PSD3: variants seen among roughly 807,000 people sequenced by gnomAD.
The protein encoded by PSD3 is pleckstrin and Sec7 domain containing 3, also known as PH and SEC7 domain-containing protein 3.
Under a neutral mutation model 105.5 loss-of-function variants are expected in PSD3, and 49 were observed. The observed-to-expected ratio is 0.46, with a 90% confidence interval of 0.37 to 0.59. PSD3 has a LOEUF of 0.59. Among genes scored for constraint, PSD3 ranks in the 20% least tolerant of loss-of-function variants. PSD3 has a pLI of 0.00. For synonymous variants in PSD3, 557 were observed against 457.8 expected, an observed-to-expected ratio of 1.22 and a Z score of -2.77; for missense variants, 1,561 against 1,263.8, an observed-to-expected ratio of 1.24 and a Z score of -3.57.
chr8:18,781,904 C>G (rs1169154806), intron 8 of PSD3, among the ~76,000 whole-genome samples: 1 of 151,908 alleles, frequency 6.6e-6, no homozygotes, highest in East Asian at 1.9e-4. Flanking sequence ...AAAATGTTAT[C>G]TGCTCAGGTT....
intron 11 of PSD3, among the ~76,000 whole-genome samples, chr8:18,616,148 C>A (rs1046889491): frequency 1.8e-4 from 28 of 152,232 alleles, no homozygotes; most frequent in Non-Finnish European, 2.5e-4. Context: ...CGCGCAGGAG[C>A]CAGAAAACGG....
At chr8:19,080,647 G>T (rs181592782) in intron 1 of PSD3, among the ~76,000 whole-genome samples, 2 of 152,106 alleles carry the variant, frequency 1.3e-5, no homozygotes, top group East Asian at 3.9e-4. Context: ...TCATTTCCTC[G>T]CTGTTTCCTA....
chr8:18,970,742 G>GT (rs1270822405), intron 1 of PSD3, among the ~76,000 whole-genome samples: 1 of 152,058 alleles, frequency 6.6e-6, no homozygotes, highest in African/African-American at 2.4e-5. Flanking sequence ...AACATATGAG[G>GT]TTAGGACTTC....
At chr8:18,605,738 T>C (rs956977814) in intron 11 of PSD3, among the ~76,000 whole-genome samples, 4 of 152,134 alleles carry the variant, frequency 2.6e-5, no homozygotes, top group African/African-American at 9.7e-5. Context: ...TGGATCATGA[T>C]TCATCAATGG....
At chr8:18,782,207 G>A (rs2129445365) in intron 8 of PSD3, among the ~76,000 whole-genome samples, 1 of 151,992 alleles carries the variant, frequency 6.6e-6, no homozygotes, top group Non-Finnish European at 1.5e-5. Context: ...GAATTATTGT[G>A]TTCCTTTGAT....
At chr8:18,724,921 G>A (rs1426029960) in intron 9 of PSD3, among the ~76,000 whole-genome samples, 1 of 152,148 alleles carries the variant, frequency 6.6e-6, no homozygotes, top group Non-Finnish European at 1.5e-5. Context: ...ATGTGGAATG[G>A]GCAGGTGGGC....
chr8:19,041,506 C>T (rs1415843778), intron 1 of PSD3, among the ~76,000 whole-genome samples: 3 of 152,178 alleles, frequency 2.0e-5, no homozygotes, highest in Non-Finnish European at 2.9e-5. Flanking sequence ...AGTGACCATG[C>T]TTCGTTTAAG....
intron 4 of PSD3, among the ~76,000 whole-genome samples, chr8:18,820,263 A>G (rs1812585041): frequency 1.3e-5 from 2 of 151,388 alleles, no homozygotes; most frequent in African/African-American, 4.8e-5. Context: ...AAAATATATG[A>G]AAATATACTT....
intron 2 of PSD3, among the ~76,000 whole-genome samples, chr8:18,922,682 C>T (rs1821102259): frequency 6.6e-6 from 1 of 152,272 alleles, no homozygotes; most frequent in South Asian, 2.1e-4. Context: ...CCATCTAAAG[C>T]CGTAGGTTGT....
At position 18,734,756 on chromosome 8, in the gene PSD3, C is replaced by T. The variant is rs78715569; in HGVS notation, c.2172+30693G>A. Among the ~76,000 whole-genome samples the T allele has an allele frequency of 8.4e-3, 1,277 of 152,238 alleles. 16 individuals are homozygous for T. Among genetic ancestry groups the T allele is most frequent in the Non-Finnish European group, 0.012 (829 of 68,010 alleles). On this transcript the variant is annotated intron_variant, in intron 9 of 15. Coordinates refer to ENST00000327040, the MANE Select transcript of PSD3 (RefSeq NM_015310.4). ...CCTCTCCAGCTTTAAGCCTGTGAACCCGTAACTGTAAATATAAAAGTCAAC... is the reference window on the plus strand; with the variant it reads ...CCTCTCCAGCTTTAAGCCTGTGAACTCGTAACTGTAAATATAAAAGTCAAC...
chr8:19,074,325 G>A (rs1405579093), intron 1 of PSD3, among the ~76,000 whole-genome samples: 1 of 151,994 alleles, frequency 6.6e-6, no homozygotes, highest in Non-Finnish European at 1.5e-5. Context: ...CTGGCACCTG[G>A]GAAGGGAAAT....
intron 1 of PSD3, among the ~76,000 whole-genome samples, chr8:19,048,204 GTAGGACAATGGAAC>G (rs1175909383): frequency 6.6e-6 from 1 of 152,184 alleles, no homozygotes; most frequent in Admixed American, 6.5e-5. Context: ...AGGGAGCCTG[GTAGGACAATGGAAC>G]TAACCTCTTT....
Position 18,862,947 on chromosome 8 carries a change from G to C in PSD3, c.1634+4727C>G, listed in dbSNP as rs187407802. Among the ~76,000 whole-genome samples, 86 of 150,814 alleles carry C rather than the reference G, an allele frequency of 5.7e-4. 3 individuals are homozygous for C. Among genetic ancestry groups the C allele is most frequent in the Admixed American group, 5.0e-3 (76 of 15,152 alleles). ...TCAAATTCAGAGTGGGCTGAAGACA[G>C]ACTGAAGCGCTTCCCTCAGGCAGAT... On this transcript the variant is annotated intron_variant, in intron 4 of 15. Coordinates refer to ENST00000327040, the MANE Select transcript of PSD3 (RefSeq NM_015310.4).
chr8:18,970,345 A>AAAAAAAG (rs1563474706), intron 1 of PSD3, among the ~76,000 whole-genome samples: 4 of 145,132 alleles, frequency 2.8e-5, no homozygotes, highest in East Asian at 2.0e-4. Flanking sequence ...AAAAAAAAAA[A>AAAAAAAG]AAACAAAGAA....
chr8:18,984,135 T>C (rs1036261298), intron 1 of PSD3, among the ~76,000 whole-genome samples: 1 of 150,262 alleles, frequency 6.7e-6, no homozygotes, highest in African/African-American at 2.4e-5. Flanking sequence ...GTGAGCACAG[T>C]GGGAAAATGA....
At chr8:19,063,387 G>A (rs1828967322) in intron 1 of PSD3, among the ~76,000 whole-genome samples, 2 of 152,196 alleles carry the variant, frequency 1.3e-5, no homozygotes, top group South Asian at 2.1e-4. Flanking sequence ...AATAGCAAAT[G>A]TAATGCCACA....
rs1003134765 is a variant in PSD3 at position 18,937,765 on chromosome 8, C to T, written c.22-1623G>A. ...TTTGAAGTGTTTGGGGAGCTTCAGG[C>T]TAGTAAAAGAGGAACTCGGCCAAGG... On this transcript the variant is annotated intron_variant, in intron 1 of 15. Coordinates refer to ENST00000327040, the MANE Select transcript of PSD3 (RefSeq NM_015310.4). 2.6e-5 allele frequency among the ~76,000 whole-genome samples: 4 copies of T among 152,114 alleles called. No individual in the cohort carries two copies. In the East Asian group the frequency reaches 7.7e-4, roughly 29 times the overall value.
intron 9 of PSD3, among the ~76,000 whole-genome samples, chr8:18,692,256 G>C (rs986569852): frequency 6.6e-6 from 1 of 152,148 alleles, no homozygotes; most frequent in East Asian, 1.9e-4. Flanking sequence ...CTGACACTGA[G>C]ATAGACATTA....
intron 4 of PSD3, among the ~76,000 whole-genome samples, chr8:18,830,688 A>T (rs999911126): frequency 2.0e-5 from 3 of 152,194 alleles, no homozygotes; most frequent in African/African-American, 7.2e-5. Context: ...AAAGGAGATA[A>T]AAAGACTGCA....
Sources: gnomAD v4.1 joint callset for allele counts (sites outside exome capture counted in the v4.1 genomes callset) on GRCh38, gnomAD v4.1.1 for gene constraint, MANE v1.5 for transcripts, NCBI Gene and HGNC (gene_info 2026-07-23, HGNC 2026-07-21) for gene names.